KANK1: variants seen among roughly 807,000 people sequenced by gnomAD.
KANK1 encodes KN motif and ankyrin repeat domain-containing protein 1.
Under a neutral mutation model 106.2 loss-of-function variants are expected in KANK1, and 109 were observed. That is an observed-to-expected ratio of 1.03 (90% CI 0.88 to 1.20). The LOEUF (loss-of-function observed/expected upper bound fraction) is 1.20, where lower values mean the gene tolerates loss of function less well. Ranked by LOEUF, KANK1 falls within the 50% of genes most tolerant of loss-of-function variation. KANK1 has a pLI of 0.00. For missense variants in KANK1, 2,399 were observed against 1,710.7 expected, an observed-to-expected ratio of 1.40 and a Z score of -7.10; for synonymous variants, 873 against 652.2, an observed-to-expected ratio of 1.34 and a Z score of -5.16.
chr9:576,755 A>C (rs1176127919), intron 1 of KANK1, among the ~76,000 whole-genome samples: 1 of 148,402 alleles, frequency 6.7e-6, no homozygotes, highest in Admixed American at 6.7e-5. Context: ...AAGAGGAGGG[A>C]CCTTGTTTTT....
intron 1 of KANK1, among the ~76,000 whole-genome samples, chr9:657,672 C>G (rs189574790): frequency 1.3e-5 from 2 of 151,958 alleles, no homozygotes; most frequent in Non-Finnish European, 2.9e-5. Flanking sequence ...TACAGCTTTT[C>G]CCATAACCAT....
intron 1 of KANK1, among the ~76,000 whole-genome samples, chr9:517,519 T>C (rs764974730): frequency 2.0e-5 from 3 of 151,806 alleles, no homozygotes; most frequent in Non-Finnish European, 2.9e-5. Context: ...AAAAGCCTAC[T>C]GTTAGGATAT....
chr9:593,229 T>C (rs2642001), intron 1 of KANK1, among the ~76,000 whole-genome samples: 122,307 of 151,686 alleles, frequency 0.81, 49,805 homozygotes, highest in African/African-American at 0.89. Flanking sequence ...TTGGAAAATA[T>C]GGATTATTAT....
intron 1 of KANK1, among the ~76,000 whole-genome samples, chr9:621,155 A>G (rs747422922): frequency 2.0e-5 from 3 of 152,318 alleles, no homozygotes; most frequent in African/African-American, 4.8e-5. Context: ...ATATTTAGCT[A>G]AAAATTTTTC....
chr9:487,431 T>C (rs1229518423), intron 3 of KANK1, among the ~76,000 whole-genome samples: 2 of 152,202 alleles, frequency 1.3e-5, no homozygotes, highest in African/African-American at 4.8e-5. Flanking sequence ...TAAGCTATGA[T>C]GTTTGGTAGG....
rs113411614 is a variant in KANK1, at chr9:706,756, A to G, written c.38-4048A>G. The G allele has an allele frequency of 5.4e-4, 534 of 985,008 alleles. 4 individuals carry two copies. The African/African-American group carries it at 6.7e-3, about 12-fold the overall frequency. 61.0% of individuals were successfully genotyped at this position (985,008 alleles called of 1,614,324 possible). On this transcript the variant is annotated intron_variant, in intron 2 of 11. Transcript: ENST00000382297. ...TGAGAAGAGTCAGGCAGTGCTCTGGAACCAGTGAGTGCTGCCCGGATCCTG... is the reference window on the plus strand; with the variant it reads ...TGAGAAGAGTCAGGCAGTGCTCTGGGACCAGTGAGTGCTGCCCGGATCCTG...
intron 1 of KANK1, among the ~76,000 whole-genome samples, chr9:562,044 T>TTC (rs1816601354): frequency 7.6e-6 from 1 of 131,992 alleles, no homozygotes; most frequent in Non-Finnish European, 1.6e-5. Context: ...TGCATTTTCT[T>TTC]TTTTTTTTTT....
intron 1 of KANK1, among the ~76,000 whole-genome samples, chr9:676,520 T>C (rs1329950391): frequency 6.6e-6 from 1 of 152,218 alleles, no homozygotes; most frequent in Non-Finnish European, 1.5e-5. Context: ...AATGAACTTT[T>C]TGAACCAGAA....
At chr9:514,107 C>T (rs1443698744) in intron 1 of KANK1, among the ~76,000 whole-genome samples, 2 of 144,890 alleles carry the variant, frequency 1.4e-5, no homozygotes, top group South Asian at 2.3e-4. Flanking sequence ...TTACTCCCTC[C>T]CTCTCTTCCT....
At chr9:612,928 A>T (rs1414674491) in intron 1 of KANK1, among the ~76,000 whole-genome samples, 2 of 152,214 alleles carry the variant, frequency 1.3e-5, no homozygotes, top group African/African-American at 2.4e-5. Context: ...CTATGGTTAC[A>T]TGCAGAGGAT....
chr9:696,381 C>G (rs563318369), intron 2 of KANK1, among the ~76,000 whole-genome samples: 1 of 152,068 alleles, frequency 6.6e-6, no homozygotes, highest in Non-Finnish European at 1.5e-5. Context: ...AACACAGTTC[C>G]GCGTATATAG....
intron 1 of KANK1, among the ~76,000 whole-genome samples, chr9:619,313 G>A (rs1238749000): frequency 6.6e-6 from 1 of 152,202 alleles, no homozygotes; most frequent in Non-Finnish European, 1.5e-5. Context: ...AGTTTATCTA[G>A]TTGGGTAGAA....
chr9:646,575 C>G (rs767923176), intron 1 of KANK1, among the ~76,000 whole-genome samples: 5 of 150,518 alleles, frequency 3.3e-5, no homozygotes, highest in Non-Finnish European at 5.9e-5. Flanking sequence ...GATTAATCAT[C>G]TCTCAGTTAG....
chr9:589,862 G>C (rs1188333016), intron 1 of KANK1, among the ~76,000 whole-genome samples: 1 of 152,190 alleles, frequency 6.6e-6, no homozygotes, highest in Non-Finnish European at 1.5e-5. Flanking sequence ...ATGCCTGCCA[G>C]AGACCTCTGC....
intron 1 of KANK1, among the ~76,000 whole-genome samples, chr9:519,265 T>C (rs1235969965): frequency 1.3e-5 from 2 of 151,802 alleles, no homozygotes; most frequent in Non-Finnish European, 2.9e-5. Context: ...CCTCTGGATA[T>C]CAAGATCTGT....
chr9:537,468 C>G (rs1052139393), intron 1 of KANK1, among the ~76,000 whole-genome samples: 1 of 152,184 alleles, frequency 6.6e-6, no homozygotes, highest in Non-Finnish European at 1.5e-5. Context: ...GGATAATTGT[C>G]TCTCAAGTGT....
At chr9:724,666 G>A (rs529886104) in intron 3 of KANK1, among the ~76,000 whole-genome samples, 4 of 152,258 alleles carry the variant, frequency 2.6e-5, no homozygotes, top group East Asian at 1.9e-4. Context: ...GCTGGGCGTG[G>A]TGGCGGGCAC....
At chr9:513,594 A>G (rs1587391421) in intron 1 of KANK1, among the ~76,000 whole-genome samples, 1 of 152,178 alleles carries the variant, frequency 6.6e-6, no homozygotes, top group Non-Finnish European at 1.5e-5. Flanking sequence ...ACCTCTTTTG[A>G]TATTTGTCTT....
chr9:505,562 C>T (rs2058715164), intron 1 of KANK1, among the ~76,000 whole-genome samples: 1 of 152,238 alleles, frequency 6.6e-6, no homozygotes, highest in Non-Finnish European at 1.5e-5. Context: ...ATCTCCTTCA[C>T]CCGGGTCCCG....
Sources: gnomAD v4.1 joint callset for allele counts (sites outside exome capture counted in the v4.1 genomes callset) on GRCh38, gnomAD v4.1.1 for gene constraint, MANE v1.5 for transcripts, NCBI Gene and HGNC (gene_info 2026-07-23, HGNC 2026-07-21) for gene names.